RAB6A: variants seen among roughly 807,000 people sequenced by gnomAD.
The protein encoded by RAB6A is RAB6A, member RAS oncogene family.
A neutral mutation model predicts 32.3 loss-of-function variants in RAB6A; 8 were observed. The observed-to-expected ratio is 0.25, with a 90% CI of 0.15 to 0.45. RAB6A has a LOEUF of 0.45. Among genes scored for constraint, RAB6A ranks in the 20% least tolerant of loss-of-function variants. The probability of loss-of-function intolerance (pLI) is 1.00; values close to 1 mark genes in which losing one functional copy is unlikely to be tolerated. For missense variants in RAB6A, 104 were observed against 249.4 expected (o/e 0.42, Z 3.93); for synonymous variants, 73 against 82.1 (o/e 0.89, Z 0.60).
At chr11:73,730,247 C>A (rs191460925) in intron 2 of RAB6A, 1 of 152,358 alleles carries the variant, frequency 6.6e-6, no homozygotes, top group Non-Finnish European at 1.5e-5. Flanking sequence ...TATAGCACTG[C>A]TTTAGTTGTA....
chr11:73,738,529 G>A (rs1399877848), intron 1 of RAB6A, among the ~76,000 whole-genome samples: 2 of 152,172 alleles, frequency 1.3e-5, no homozygotes, highest in African/African-American at 2.4e-5. Context: ...GAGTAGACCT[G>A]TAGCCCCAGC....
At chr11:73,704,663 G>A (rs1163836853) in intron 6 of RAB6A, among the ~76,000 whole-genome samples, 4 of 146,452 alleles carry the variant, frequency 2.7e-5, no homozygotes, top group African/African-American at 1.0e-4. Context: ...CCAGCCTGGC[G>A]ACAGAGTGAG....
intron 1 of RAB6A, among the ~76,000 whole-genome samples, chr11:73,753,769 T>A (rs1946704608): frequency 6.6e-6 from 1 of 150,846 alleles, no homozygotes; most frequent in Non-Finnish European, 1.5e-5. Flanking sequence ...CACCTAGGCC[T>A]CCCAAAGTGC....
intron 2 of RAB6A, chr11:73,722,714 A>G (rs1324143577): frequency 1.3e-5 from 2 of 151,980 alleles, no homozygotes; most frequent in Non-Finnish European, 2.9e-5. Context: ...CAAGAATGAA[A>G]GCTACAGTAA....
At chr11:73,678,022 T>C (rs2134855329) in intron 7 of RAB6A, 60 bp from the exon 8 acceptor site, 1 of 1,550,694 alleles carries the variant, frequency 6.4e-7, no homozygotes, top group Non-Finnish European at 8.9e-7. Context: ...TTCCAAACAC[T>C]AGCATTTCTG....
chr11:73,745,701 G>A (rs891337062), intron 1 of RAB6A, among the ~76,000 whole-genome samples: 2 of 152,084 alleles, frequency 1.3e-5, no homozygotes, highest in Non-Finnish European at 1.5e-5. Flanking sequence ...GCATGGTGGC[G>A]TGTGCCTGTA....
intron 6 of RAB6A, among the ~76,000 whole-genome samples, chr11:73,700,128 A>G (rs1945717672): frequency 6.6e-6 from 1 of 152,150 alleles, no homozygotes; most frequent in Admixed American, 6.6e-5. Flanking sequence ...TCCATTTTTC[A>G]GTACTACAAA....
chr11:73,700,609 TGGGGG>T (rs59223959), intron 6 of RAB6A, among the ~76,000 whole-genome samples: 6 of 28,612 alleles, frequency 2.1e-4, no homozygotes, highest in East Asian at 1.1e-3. Context: ...AGTGTGTGTG[TGGGGG>T]GGGGGGGGGG....
chr11:73,695,735 C>T (rs1945645974), intron 6 of RAB6A, among the ~76,000 whole-genome samples: 1 of 152,134 alleles, frequency 6.6e-6, no homozygotes. Context: ...CAGCTTCTTT[C>T]CCTAAGAAAC....
chr11:73,690,916 G>C (rs766854677), intron 6 of RAB6A, among the ~76,000 whole-genome samples: 11 of 146,378 alleles, frequency 7.5e-5, no homozygotes, highest in Non-Finnish European at 1.0e-4. Context: ...CCCAAAACAC[G>C]AACAGCCGCA....
chr11:73,690,912 A>C (rs1945547033), intron 6 of RAB6A, among the ~76,000 whole-genome samples: 1 of 150,822 alleles, frequency 6.6e-6, no homozygotes, highest in Non-Finnish European at 1.5e-5. Flanking sequence ...AAAACCCAAA[A>C]CACGAACAGC....
chr11:73,717,540 G>A (rs765453909), intron 4 of RAB6A, among the ~76,000 whole-genome samples: 4 of 152,164 alleles, frequency 2.6e-5, no homozygotes, highest in Non-Finnish European at 4.4e-5. Flanking sequence ...CGCCTCCCAG[G>A]TTCAAGAGGT....
At chr11:73,722,322 TATATATATATATA>T (rs1946147973) in intron 2 of RAB6A, 4 of 8,758 alleles carry the variant, frequency 4.6e-4, no homozygotes, top group African/African-American at 1.5e-3. Flanking sequence ...TATATATATA[TATATATATATATA>T]TATATATATT....
intron 1 of RAB6A, among the ~76,000 whole-genome samples, chr11:73,744,980 A>T (rs1349161760): frequency 7.2e-6 from 1 of 139,774 alleles, no homozygotes; most frequent in African/African-American, 3.1e-5. Context: ...TCTCAAAAGA[A>T]AAAAAAAAAA....
chr11:73,688,442 T>C (rs1055469109), intron 6 of RAB6A, among the ~76,000 whole-genome samples: 2 of 152,188 alleles, frequency 1.3e-5, no homozygotes, highest in Non-Finnish European at 2.9e-5. Context: ...AGAGACAGAT[T>C]TGAGCCTAGT....
In RAB6A at chr11:73,718,996, AAAG is replaced by A. The variant is rs894550136; in HGVS notation, c.184-281_184-279del. 2.4e-5 allele frequency: 25 copies of A among 1,032,884 alleles called. No homozygotes were observed. In the African/African-American group the frequency reaches 3.8e-4, roughly 16 times the overall value. The allele number at this position is 1,032,884 out of a possible 1,614,324, so 64.0% of individuals were successfully genotyped here. ...AAGGGAGAGGGTGGGAAGGAAGTAG[AAAG>A]AAGACTCATGCAAGAGGTTGCAGGG... is the stretch of plus-strand genomic sequence containing the variant. On this transcript the variant is annotated intron_variant, in intron 3 of 7. Transcript: ENST00000336083.
In RAB6A at chr11:73,757,098, C is replaced by CATATAT. The variant is rs1170100550; in HGVS notation, c.70+3462_70+3467dup. Among the ~76,000 whole-genome samples the CATATAT allele has an allele frequency of 8.7e-3, 326 of 37,658 alleles. 5 individuals are homozygous for CATATAT. Among genetic ancestry groups the CATATAT allele is most frequent in the Admixed American group, 0.012 (21 of 1,812 alleles). 24.7% of individuals were successfully genotyped at this position (37,658 alleles called of 152,430 possible). A position where few individuals can be genotyped will look rare whatever the true frequency, so the allele number is the denominator to read the frequency against. On this transcript the variant is annotated intron_variant, in intron 1 of 7. Transcript: ENST00000336083. ...GAGCGTAGTATCTTAAATATACATA[C>CATATAT]ATATATATATATATATATATATATA... is the stretch of plus-strand genomic sequence containing the variant.
chr11:73,755,318 G>A (rs929293693), intron 1 of RAB6A, among the ~76,000 whole-genome samples: 1 of 150,762 alleles, frequency 6.6e-6, no homozygotes, highest in African/African-American at 2.4e-5. Context: ...TTTTGAGATG[G>A]AGCCTCACTC....
intron 2 of RAB6A, among the ~76,000 whole-genome samples, chr11:73,725,348 G>A (rs1946199885): frequency 6.6e-6 from 1 of 152,192 alleles, no homozygotes; most frequent in Non-Finnish European, 1.5e-5. Flanking sequence ...GAGGAGAAAT[G>A]AGATGACTGG....
Sources: allele counts gnomAD v4.1 joint callset (sites outside exome capture counted in the v4.1 genomes callset), GRCh38; gene constraint gnomAD v4.1.1; transcripts MANE v1.5; gene names NCBI Gene and HGNC (gene_info 2026-07-23, HGNC 2026-07-21).